DCHS2: variants seen among roughly 807,000 people sequenced by gnomAD.
DCHS2 encodes the protein protocadherin-23.
DCHS2 carries 142 observed loss-of-function variants against 182.4 expected under a neutral mutation model. That is an observed-to-expected ratio of 0.78 (90% CI 0.68 to 0.89). The LOEUF (loss-of-function observed/expected upper bound fraction) is 0.89, where lower values mean the gene tolerates loss of function less well. Among genes scored for constraint, DCHS2 ranks in the 40% least tolerant of loss-of-function variants. DCHS2 has a pLI of 0.00. For missense variants in DCHS2, 4,319 were observed against 4,198.6 expected, an observed-to-expected ratio of 1.03 and a Z score of -0.79; for synonymous variants, 1,740 against 1,663.3, an observed-to-expected ratio of 1.05 and a Z score of -1.12.
At chr4:154,247,941 C>T (rs1732160368) in intron 16 of DCHS2, among the ~76,000 whole-genome samples, 1 of 152,076 alleles carries the variant, frequency 6.6e-6, no homozygotes, top group Admixed American at 6.6e-5. Context: ...CCAAAGTTAT[C>T]GGATCTCAGC....
intron 14 of DCHS2, among the ~76,000 whole-genome samples, chr4:154,260,841 A>T (rs1261433259): frequency 6.6e-6 from 1 of 152,144 alleles, no homozygotes; most frequent in Non-Finnish European, 1.5e-5. Flanking sequence ...TCCAGAAGGC[A>T]CACAGTAATA....
intron 1 of DCHS2, among the ~76,000 whole-genome samples, chr4:154,408,415 T>C (rs11099953): frequency 0.24 from 35,830 of 152,150 alleles, 4,642 homozygotes; most frequent in African/African-American, 0.35. Flanking sequence ...ATCTATAATT[T>C]GTATATGTTG....
intron 14 of DCHS2, among the ~76,000 whole-genome samples, chr4:154,260,809 G>A (rs916651814): frequency 1.3e-5 from 2 of 152,072 alleles, no homozygotes; most frequent in African/African-American, 4.8e-5. Context: ...CATATCTCCA[G>A]TGTCTGGCTC....
At chr4:154,279,705 A>C (rs1734035159) in intron 13 of DCHS2, among the ~76,000 whole-genome samples, 2 of 152,004 alleles carry the variant, frequency 1.3e-5, no homozygotes, top group African/African-American at 4.8e-5. Flanking sequence ...AAACATACCA[A>C]AAATTATGGG....
At chr4:154,442,533 C>A (rs1221532065) in intron 1 of DCHS2, among the ~76,000 whole-genome samples, 1 of 68,726 alleles carries the variant, frequency 1.5e-5, no homozygotes, top group Admixed American at 1.5e-4. Context: ...GTGGACACCC[C>A]CCCCCCCCCA....
chr4:154,246,447 A>C (rs1732072767), intron 16 of DCHS2, among the ~76,000 whole-genome samples: 1 of 152,166 alleles, frequency 6.6e-6, no homozygotes, highest in South Asian at 2.1e-4. Context: ...GAAGAGTGCT[A>C]GTCAAGTCCC....
chr4:154,449,885 T>C (rs985286461), intron 1 of DCHS2, among the ~76,000 whole-genome samples: 2 of 152,208 alleles, frequency 1.3e-5, no homozygotes, highest in African/African-American at 4.8e-5. Flanking sequence ...CTTCATAGCT[T>C]TTGTAACTAC....
Position 154,394,302 on chromosome 4 carries a change from C to G in DCHS2, c.2053-16858G>C, listed in dbSNP as rs1579042865. On this transcript the variant is annotated intron_variant, in intron 1 of 19. Transcript: ENST00000357232. The stretch of plus-strand genomic sequence containing the variant: ...TTCTGCTCATACAGAATTGAAATGT[C>G]AAGGTCAGTGCAAAGGGATTACAGC... Among the ~76,000 whole-genome samples, 5 of 152,292 alleles carry G rather than the reference C, an allele frequency of 3.3e-5. No homozygotes were observed. The South Asian group carries it at 1.0e-3, about 32-fold the overall frequency.
In DCHS2 at chr4:154,349,292, T is replaced by C. The variant is rs988577933; in HGVS notation, c.2477-14188A>G. On this transcript the variant is annotated intron_variant, in intron 3 of 19. Coordinates refer to ENST00000357232, the MANE Select transcript of DCHS2 (RefSeq NM_001358235.2). ...GATGGGACTTTCTTATCATGCCAGC[T>C]AAAATTGGCTCATTTGGGGGTTTGG... 5.3e-5 allele frequency among the ~76,000 whole-genome samples: 8 copies of C among 149,982 alleles called. 1 individual carries two copies. The highest frequency in any genetic ancestry group is 2.0e-4 in the African/African-American group (8 of 39,370).
chr4:154,333,441 A>G lies in DCHS2; in HGVS notation c.2767T>C (p.Phe923Leu). 1 of 1,613,914 alleles carries G rather than the reference A, an allele frequency of 6.2e-7. No homozygotes were observed. ...GTGCCCAGCCGCGGGTGAATGGAGA[A>G]CTTTCCGCCGAGATCACCAGAAGAA... ...RISSGDLGGKFSIHPRLGTIR... is the reference protein window; with the variant it reads ...RISSGDLGGKLSIHPRLGTIR... Residue 923 changes from phenylalanine (F) to leucine (L), a missense_variant, in exon 5 of 20, where the codon TTC becomes CTC. Physicochemically the swap from Phe to Leu is conservative, Grantham distance 22. Coordinates refer to ENST00000357232, the MANE Select transcript of DCHS2 (RefSeq NM_001358235.2).
At position 154,304,803 on chromosome 4, in the gene DCHS2, T is replaced by TCGTTTTCATCTTCAAC; in HGVS notation, c.5455_5470dup (p.Asp1824GlyfsTer2). The TCGTTTTCATCTTCAAC allele has an allele frequency of 6.2e-7, 1 of 1,613,906 alleles. No individual in the cohort carries two copies. The highest frequency in any genetic ancestry group is 8.5e-7 in the Non-Finnish European group (1 of 1,179,928). On this transcript the variant is annotated stop_gained and frameshift_variant, in exon 12 of 20. Coordinates refer to ENST00000357232, the MANE Select transcript of DCHS2 (RefSeq NM_001358235.2). LOFTEE classifies it high-confidence loss of function. ...GGAAACAATAAACTCTGGTGCGTGA[T>TCGTTTTCATCTTCAAC]CGTTTTCATCTTCAACAGTGCAGAG...
chr4:154,364,338 T>G (rs1015586234), intron 3 of DCHS2, among the ~76,000 whole-genome samples: 1 of 152,202 alleles, frequency 6.6e-6, no homozygotes, highest in African/African-American at 2.4e-5. Flanking sequence ...AGTGTGTGAA[T>G]GTCTTTTTAA....
intron 1 of DCHS2, among the ~76,000 whole-genome samples, chr4:154,456,413 C>G (rs1037784119): frequency 5.3e-5 from 8 of 152,124 alleles, no homozygotes; most frequent in Non-Finnish European, 1.2e-4. Context: ...AATCTGCAGT[C>G]CAACGGAGAA....
chr4:154,372,963 C>T (rs1048881685), intron 2 of DCHS2, among the ~76,000 whole-genome samples: 1 of 152,114 alleles, frequency 6.6e-6, no homozygotes, highest in Non-Finnish European at 1.5e-5. Context: ...TAACCACCAG[C>T]AAATGGGTTC....
At chr4:154,487,078 A>T (rs1050009145) in intron 1 of DCHS2, among the ~76,000 whole-genome samples, 2 of 152,108 alleles carry the variant, frequency 1.3e-5, no homozygotes, top group African/African-American at 4.8e-5. Context: ...GGCTTTCATC[A>T]AAAAAATCAT....
chr4:154,305,727 A>T lies in DCHS2; in HGVS notation c.5261-496T>A, dbSNP rs115041002. 5.1e-3 allele frequency among the ~76,000 whole-genome samples: 770 copies of T among 152,288 alleles called. 10 individuals carry two copies. Among genetic ancestry groups the T allele is most frequent in the African/African-American group, 0.018 (740 of 41,568 alleles). ...TTTCTGTTTGTTTTGTTTTCGACTT[A>T]GTGTTCAGTCTGCTATCTGGAGTGA... is the stretch of plus-strand genomic sequence containing the variant. On this transcript the variant is annotated intron_variant, in intron 10 of 19. Coordinates refer to ENST00000357232, the MANE Select transcript of DCHS2 (RefSeq NM_001358235.2).
intron 16 of DCHS2, among the ~76,000 whole-genome samples, chr4:154,246,268 T>C (rs1464380914): frequency 1.3e-5 from 2 of 152,218 alleles, no homozygotes; most frequent in Non-Finnish European, 2.9e-5. Context: ...CCCATTACTC[T>C]GCATTCTCAG....
chr4:154,311,700 T>C (rs1735678429), intron 10 of DCHS2, among the ~76,000 whole-genome samples: 1 of 152,136 alleles, frequency 6.6e-6, no homozygotes, highest in Non-Finnish European at 1.5e-5. Flanking sequence ...CATGCTTCAG[T>C]TTCTCAGACC....
chr4:154,252,683 A>T (rs1360482451), intron 16 of DCHS2, among the ~76,000 whole-genome samples: 2 of 151,538 alleles, frequency 1.3e-5, no homozygotes, highest in African/African-American at 4.8e-5. Context: ...TGGCTAAATA[A>T]TACTCCATTG....
Sources: allele counts gnomAD v4.1 joint callset (sites outside exome capture counted in the v4.1 genomes callset), GRCh38; gene constraint gnomAD v4.1.1; transcripts MANE v1.5; gene names NCBI Gene and HGNC (gene_info 2026-07-23, HGNC 2026-07-21).